Variants in MYO1D observed in about 807,000 individuals in gnomAD.
The protein encoded by MYO1D is unconventional myosin-Id.
A neutral mutation model predicts 122.0 loss-of-function variants in MYO1D; 83 were observed. The observed-to-expected ratio is 0.68, with a 90% CI of 0.57 to 0.82. The LOEUF (loss-of-function observed/expected upper bound fraction) is 0.82. Among genes scored for constraint, MYO1D ranks in the 40% least tolerant of loss-of-function variants. The pLI is 0.00. For synonymous variants in MYO1D, 464 were observed against 446.9 expected (o/e 1.04, Z -0.48); for missense variants, 1,157 against 1,269.5 (o/e 0.91, Z 1.35).
At chr17:32,707,939 C>A (rs1017320659) in intron 16 of MYO1D, among the ~76,000 whole-genome samples, 3 of 152,168 alleles carry the variant, frequency 2.0e-5, no homozygotes, top group Non-Finnish European at 4.4e-5. Context: ...TGGTGCCACT[C>A]TACTGGGAGA....
chr17:32,667,870 G>A (rs1013871110), intron 16 of MYO1D, among the ~76,000 whole-genome samples: 1 of 152,176 alleles, frequency 6.6e-6, no homozygotes, highest in African/African-American at 2.4e-5. Flanking sequence ...CTATGATGAT[G>A]ACATGATCTG....
Position 32,493,504 on chromosome 17 carries a change from A to G in MYO1D, c.*1255T>C, listed in dbSNP as rs1434870214. 2 of 152,290 alleles carry G rather than the reference A, an allele frequency of 1.3e-5. No homozygotes were observed. The highest frequency in any genetic ancestry group is 2.9e-5 in the Non-Finnish European group (2 of 68,184). The allele number at this position is 152,290 out of a possible 1,614,324, so 9.4% of individuals were successfully genotyped here. ...CTGAGGCGTTGGCTCCCTCCCCCTCATCCTCTCACCACATGCCTGAGGCGT... is the reference window on the plus strand; with the variant it reads ...CTGAGGCGTTGGCTCCCTCCCCCTCGTCCTCTCACCACATGCCTGAGGCGT... On this transcript the variant is annotated 3_prime_UTR_variant, in exon 22 of 22. Coordinates refer to ENST00000318217, the MANE Select transcript of MYO1D (RefSeq NM_015194.3).
At chr17:32,503,429 G>A (rs1909388195) in intron 21 of MYO1D, among the ~76,000 whole-genome samples, 1 of 152,174 alleles carries the variant, frequency 6.6e-6, no homozygotes, top group African/African-American at 2.4e-5. Flanking sequence ...TCCTCTCAAT[G>A]GCATTCCCTG....
chr17:32,683,359 T>G (rs2150968526), intron 16 of MYO1D, among the ~76,000 whole-genome samples: 1 of 152,308 alleles, frequency 6.6e-6, no homozygotes, highest in Non-Finnish European at 1.5e-5. Flanking sequence ...TCTGTTCTGT[T>G]TTTTCCCCAT....
At chr17:32,759,864 A>G (rs1361188758) in intron 10 of MYO1D, 3 of 433,722 alleles carry the variant, frequency 6.9e-6, no homozygotes, top group African/African-American at 4.0e-5. Context: ...TATAAACAAC[A>G]TTAACTGAAG....
chr17:32,812,456 C>T (rs528125035), intron 1 of MYO1D, among the ~76,000 whole-genome samples: 5 of 152,230 alleles, frequency 3.3e-5, no homozygotes, highest in Non-Finnish European at 5.9e-5. Context: ...CAAAAGGTTA[C>T]AAAGGTCAGG....
At chr17:32,770,982 C>T (rs2090107088) in intron 6 of MYO1D, 143 bp downstream of exon 6, 1 of 494,998 alleles carries the variant, frequency 2.0e-6, no homozygotes, top group Non-Finnish European at 3.4e-6. Context: ...AATCTCTGTC[C>T]TTGAGAATTT....
chr17:32,604,111 G>A (rs1427399532), intron 21 of MYO1D, among the ~76,000 whole-genome samples: 1 of 151,366 alleles, frequency 6.6e-6, no homozygotes, highest in Non-Finnish European at 1.5e-5. Flanking sequence ...CAGCCAAAAT[G>A]AATACAATAG....
chr17:32,560,399 A>T (rs1486769526), intron 21 of MYO1D, among the ~76,000 whole-genome samples: 1 of 151,252 alleles, frequency 6.6e-6, no homozygotes, highest in East Asian at 1.9e-4. Flanking sequence ...TCAGAGACAC[A>T]GTTTCTGGAG....
intron 7 of MYO1D, among the ~76,000 whole-genome samples, chr17:32,765,790 T>G (rs2090050007): frequency 6.6e-6 from 1 of 152,092 alleles, no homozygotes; most frequent in African/African-American, 2.4e-5. Flanking sequence ...CATCCACAAT[T>G]GATTTTGGTA....
chr17:32,571,614 C>T (rs183541104), intron 21 of MYO1D, among the ~76,000 whole-genome samples: 1 of 152,196 alleles, frequency 6.6e-6, no homozygotes, highest in East Asian at 1.9e-4. Context: ...TTTCTTTGGA[C>T]ACTTGGTAGC....
intron 21 of MYO1D, chr17:32,510,209 A>C (rs1909642975): frequency 6.6e-6 from 1 of 152,222 alleles, no homozygotes; most frequent in African/African-American, 2.4e-5. Flanking sequence ...TCCACCCTAA[A>C]ATGCTGTTCT....
At chr17:32,800,497 C>T (rs187846846) in intron 1 of MYO1D, among the ~76,000 whole-genome samples, 238 of 152,066 alleles carry the variant, frequency 1.6e-3, no homozygotes, top group Admixed American at 5.8e-3. Context: ...CTAAAAAAGT[C>T]GAACTTAATA....
chr17:32,560,218 G>A (rs1044163735), intron 21 of MYO1D, among the ~76,000 whole-genome samples: 1 of 152,026 alleles, frequency 6.6e-6, no homozygotes, highest in Non-Finnish European at 1.5e-5. Flanking sequence ...TTGCACCACT[G>A]CACTGCAGCC....
rs779852174 is a variant in MYO1D at position 32,760,322 on chromosome 17, C to A, written c.1264G>T (p.Glu422Ter). 3 of 1,612,110 alleles carry A rather than the reference C, an allele frequency of 1.9e-6. No homozygotes were observed. The highest frequency in any genetic ancestry group is 1.7e-5 in the Admixed American group (1 of 59,994). Residue 422 changes from glutamate to a stop codon, truncating the protein, a stop_gained, in exon 10 of 22, where the codon GAA (glutamate) becomes TAA (stop). Transcript: ENST00000318217. LOFTEE classifies it high-confidence loss of function. ...CAGGGGATCCCTTCCCGCTGGTATT[C>A]CTCTTGTTCTTGCTTCAGAACCAGC... is the stretch of plus-strand genomic sequence containing the variant. ...IQLVLKQEQE[E>*]YQREGIPWKH... is the part of the protein sequence containing the mutation.
At chr17:32,762,662 T>A (rs1430816232) in intron 8 of MYO1D, among the ~76,000 whole-genome samples, 1 of 151,770 alleles carries the variant, frequency 6.6e-6, no homozygotes, top group Non-Finnish European at 1.5e-5. Context: ...TCACCTGAGG[T>A]CAGGAGTTTG....
chr17:32,505,598 C>G (rs1567869618), intron 21 of MYO1D: 2 of 152,158 alleles, frequency 1.3e-5, no homozygotes, highest in African/African-American at 4.8e-5. Context: ...AACAGGACAC[C>G]AGAAGAAGTC....
At chr17:32,651,421 G>C (rs113497614) in intron 19 of MYO1D, among the ~76,000 whole-genome samples, 12 of 152,266 alleles carry the variant, frequency 7.9e-5, no homozygotes, top group African/African-American at 2.9e-4. Context: ...ACAAATTCTA[G>C]CTGCCTTAGT....
chr17:32,786,125 T>TAGCC (rs1192566541), intron 1 of MYO1D, among the ~76,000 whole-genome samples: 1 of 152,174 alleles, frequency 6.6e-6, no homozygotes, highest in Non-Finnish European at 1.5e-5. Flanking sequence ...AGTTCCTGAG[T>TAGCC]AGCCAAACCA....
Sources: gnomAD v4.1 joint callset for allele counts (sites outside exome capture counted in the v4.1 genomes callset) on GRCh38, gnomAD v4.1.1 for gene constraint, MANE v1.5 for transcripts, NCBI Gene and HGNC (gene_info 2026-07-23, HGNC 2026-07-21) for gene names.